RYR2: variants seen among roughly 807,000 people sequenced by gnomAD.
The protein encoded by RYR2 is cardiac muscle ryanodine receptor-calcium release channel.
In RYR2, 227 loss-of-function variants were observed where a neutral mutation model predicts 601.1. The observed-to-expected ratio is 0.38, with a 90% CI of 0.34 to 0.42. RYR2 has a LOEUF of 0.42. Among genes scored for constraint, RYR2 ranks in the 10% least tolerant of loss-of-function variants. The pLI is 1.00. For missense variants in RYR2, 4,646 were observed against 6,156.5 expected (o/e 0.75, Z 8.21); for synonymous variants, 2,223 against 2,175.1 (o/e 1.02, Z -0.61).
In RYR2 at chr1:237,770,847, C is replaced by T; in HGVS notation, c.11517C>T (p.Leu3839=). The change falls in exon 85 of 105, where the codon CTC becomes CTT. Residue 3839 remains leucine (L), a synonymous_variant. Transcript: ENST00000366574. ...AGGACGATGAGTTCACCTGTGACCT[C>T]TTCCGATTCCTGCAACTACTCTGTG... ...VLQDDEFTCD[L]FRFLQLLCEG... 1 of 1,553,392 alleles carries T rather than the reference C, an allele frequency of 6.4e-7. No homozygotes were observed. Among genetic ancestry groups the T allele is most frequent in the Non-Finnish European group, 8.7e-7 (1 of 1,147,158 alleles).
intron 80 of RYR2, among the ~76,000 whole-genome samples, chr1:237,748,116 G>A (rs1462150288): frequency 1.3e-5 from 2 of 152,152 alleles, no homozygotes; most frequent in Non-Finnish European, 2.9e-5. Flanking sequence ...TTGGGGGAAG[G>A]GGTGTTAAAA....
intron 19 of RYR2, 137 bp from the exon 20 acceptor site, chr1:237,496,374 C>T: frequency 8.3e-7 from 1 of 1,204,834 alleles, no homozygotes; most frequent in East Asian, 2.5e-5. Flanking sequence ...CACTACTGCG[C>T]TTCAGCCTAG....
At chr1:237,719,255 T>C (rs1453911100) in intron 73 of RYR2, among the ~76,000 whole-genome samples, 4 of 152,150 alleles carry the variant, frequency 2.6e-5, no homozygotes, top group Admixed American at 1.3e-4. Flanking sequence ...AAACCCTGTC[T>C]CAAAAAACAC....
intron 35 of RYR2, among the ~76,000 whole-genome samples, chr1:237,607,233 A>G (rs978692447): frequency 1.3e-5 from 2 of 152,326 alleles, no homozygotes; most frequent in East Asian, 3.9e-4. Flanking sequence ...ACCACGGAAT[A>G]CTATCCAGCC....
rs1553528083 is a variant in RYR2, at chr1:237,623,350, C to CCTTTCTTTGTTTCTTTCTTT, written c.5917-406_5917-387dup. Among the ~76,000 whole-genome samples, 122 of 73,918 alleles carry CCTTTCTTTGTTTCTTTCTTT rather than the reference C, an allele frequency of 1.7e-3. 3 individuals carry two copies. Among genetic ancestry groups the CCTTTCTTTGTTTCTTTCTTT allele is most frequent in the African/African-American group, 3.0e-3 (89 of 29,730 alleles). 48.5% of individuals were successfully genotyped at this position (73,918 alleles called of 152,430 possible). A position where few individuals can be genotyped will look rare whatever the true frequency, so the allele number is the denominator to read the frequency against. ...CATTTTTGCTTTTGTGGTAGTTGTG[C>CCTTTCTTTGTTTCTTTCTTT]CTTTCTTTGTTTCTTTCTTTCTTTC... On this transcript the variant is annotated intron_variant, in intron 38 of 104. Coordinates refer to ENST00000366574, the MANE Select transcript of RYR2 (RefSeq NM_001035.3).
chr1:237,365,191 A>C (rs1395575599), intron 5 of RYR2, among the ~76,000 whole-genome samples: 1 of 152,238 alleles, frequency 6.6e-6, no homozygotes, highest in Non-Finnish European at 1.5e-5. Flanking sequence ...ATATTCCATT[A>C]ATAAAGGCTT....
At position 237,530,487 on chromosome 1, in the gene RYR2, GA is replaced by G; in HGVS notation, c.2890del (p.Met964Ter). The G allele has an allele frequency of 6.2e-7, 1 of 1,605,448 alleles. No individual in the cohort carries two copies. The highest frequency in any genetic ancestry group is 8.5e-7 in the Non-Finnish European group (1 of 1,175,710). On this transcript the variant is annotated frameshift_variant, in exon 25 of 105. Coordinates refer to ENST00000366574, the MANE Select transcript of RYR2 (RefSeq NM_001035.3). LOFTEE classifies it high-confidence loss of function. ...ISDEHAEDKV[K>X]KMKLPKNYQL... is the part of the protein sequence containing the mutation. Reference sequence around the variant, plus strand: ...CAGATGAACATGCTGAAGACAAGGTGAAAAAAATGAAGCTACCCAAGAAGTA... The same window carrying G: ...CAGATGAACATGCTGAAGACAAGGTGAAAAAATGAAGCTACCCAAGAAGTA...
intron 1 of RYR2, among the ~76,000 whole-genome samples, chr1:237,125,108 G>A (rs1393577310): frequency 6.6e-6 from 1 of 152,160 alleles, no homozygotes; most frequent in Non-Finnish European, 1.5e-5. Context: ...AGAAATGCTT[G>A]GTGGTTGCCA....
At chr1:237,569,421 A>C (rs1489653279) in intron 29 of RYR2, 102 bp downstream of exon 29, 1 of 1,090,736 alleles carries the variant, frequency 9.2e-7, no homozygotes, top group Non-Finnish European at 1.3e-6. Context: ...GTGAGTGAGC[A>C]GATGAGTTGC....
chr1:237,370,660 C>CTT (rs1432055752), intron 6 of RYR2, among the ~76,000 whole-genome samples: 1 of 135,108 alleles, frequency 7.4e-6, no homozygotes. Flanking sequence ...AGTTTCATTC[C>CTT]ATTTTTTTTT....
At chr1:237,578,999 G>T (rs1228235577) in intron 29 of RYR2, among the ~76,000 whole-genome samples, 1 of 150,710 alleles carries the variant, frequency 6.6e-6, no homozygotes, top group East Asian at 2.0e-4. Context: ...TAAGGACTGA[G>T]AATCAGATAT....
chr1:237,072,285 T>G (rs1229249177), intron 1 of RYR2, among the ~76,000 whole-genome samples: 1 of 152,226 alleles, frequency 6.6e-6, no homozygotes, highest in Non-Finnish European at 1.5e-5. Flanking sequence ...ATCACTGGGA[T>G]TACAGGCATG....
At chr1:237,493,558 T>C (rs1366030018) in intron 19 of RYR2, among the ~76,000 whole-genome samples, 1 of 152,164 alleles carries the variant, frequency 6.6e-6, no homozygotes, top group Non-Finnish European at 1.5e-5. Flanking sequence ...GTTCAGGCCA[T>C]TGTCCTGCCT....
intron 29 of RYR2, among the ~76,000 whole-genome samples, chr1:237,574,431 C>T (rs1292098914): frequency 6.6e-6 from 1 of 152,034 alleles, no homozygotes; most frequent in Non-Finnish European, 1.5e-5. Context: ...TTTATATAAC[C>T]CTCTCCTCTT....
At chr1:237,646,839 C>T (rs945000406) in intron 48 of RYR2, among the ~76,000 whole-genome samples, 1 of 152,146 alleles carries the variant, frequency 6.6e-6, no homozygotes, top group African/African-American at 2.4e-5. Flanking sequence ...GCAGGCACTG[C>T]GGGGTGACAC....
chr1:237,138,136 A>C (rs1237286308), intron 1 of RYR2, among the ~76,000 whole-genome samples: 2 of 152,098 alleles, frequency 1.3e-5, no homozygotes, highest in African/African-American at 4.8e-5. Context: ...GGTTCAAGCG[A>C]TTCTCCTGCC....
rs145671844 is a variant in RYR2, at chr1:237,339,289, C to A, written c.273+8307C>A. 1.1e-4 allele frequency among the ~76,000 whole-genome samples: 17 copies of A among 152,134 alleles called. No individual in the cohort carries two copies. The East Asian group carries it at 3.3e-3, about 29-fold the overall frequency. The stretch of plus-strand genomic sequence containing the variant: ...GCCTGCTTGGAATATGATAAGAACT[C>A]AACAAATTGAGCATTTATATATATC... On this transcript the variant is annotated intron_variant, in intron 3 of 104. Transcript: ENST00000366574.
In RYR2 at chr1:237,306,775, T is replaced by C. The variant is rs372836581; in HGVS notation, c.169-24103T>C. ...AATAATTTTACGTCGTCTGCTGGTT[T>C]CATCTTGAAGAATTTGGGGCATGAA... On this transcript the variant is annotated intron_variant, in intron 2 of 104. Coordinates refer to ENST00000366574, the MANE Select transcript of RYR2 (RefSeq NM_001035.3). Among the ~76,000 whole-genome samples, 14 of 152,296 alleles carry C rather than the reference T, an allele frequency of 9.2e-5. No homozygotes were observed. In the East Asian group the frequency reaches 2.1e-3, roughly 23 times the overall value.
At position 237,483,063 on chromosome 1, in the gene RYR2, G is replaced by A. The variant is rs372742019; in HGVS notation, c.1709-8743G>A. On this transcript the variant is annotated intron_variant, in intron 17 of 104. Coordinates refer to ENST00000366574, the MANE Select transcript of RYR2 (RefSeq NM_001035.3). ...TGTGCCTCGCTGTGTCTCTCGCCAAGGTCTAACAGGCTGGTTTAATTTCTC... is the reference window on the plus strand; with the variant it reads ...TGTGCCTCGCTGTGTCTCTCGCCAAAGTCTAACAGGCTGGTTTAATTTCTC... 1.6e-4 allele frequency among the ~76,000 whole-genome samples: 24 copies of A among 152,048 alleles called. 1 individual carries two copies. Among genetic ancestry groups the A allele is most frequent in the African/African-American group, 5.3e-4 (22 of 41,494 alleles).
Sources: allele counts gnomAD v4.1 joint callset (sites outside exome capture counted in the v4.1 genomes callset), GRCh38; gene constraint gnomAD v4.1.1; transcripts MANE v1.5; gene names NCBI Gene and HGNC (gene_info 2026-07-23, HGNC 2026-07-21).